Variants in TRPM5 observed in about 807,000 individuals in gnomAD.
TRPM5 encodes MLSN1 and TRP-related.
A neutral mutation model predicts 124.9 loss-of-function variants in TRPM5; 121 were observed. The ratio of observed to expected loss-of-function variants is 0.97; its 90% confidence interval spans 0.84 to 1.13. The LOEUF is 1.13. Among genes scored for constraint, TRPM5 ranks in the 50% most tolerant of loss-of-function variants. TRPM5 has a pLI of 0.00. For missense variants in TRPM5, 1,643 were observed against 1,589.1 expected (o/e 1.03, Z -0.58); for synonymous variants, 781 against 700.5 (o/e 1.11, Z -1.81).
chr11:2,412,141 G>A, exon 16 of TRPM5: 1 of 1,613,104 alleles, frequency 6.2e-7, no homozygotes, highest in Non-Finnish European at 8.5e-7. Flanking sequence ...AGACCTGCAG[G>A]TGACACCCAC....
chr11:2,416,924 G>A (rs1845695965), intron 7 of TRPM5, among the ~76,000 whole-genome samples: 1 of 152,204 alleles, frequency 6.6e-6, no homozygotes. Context: ...AATGAAGCAT[G>A]GAATGGCATA....
the TRPM5 span, among the ~76,000 whole-genome samples, chr11:2,430,296 T>C: frequency 6.6e-6 from 1 of 152,228 alleles, no homozygotes; most frequent in Non-Finnish European, 1.5e-5. Context: ...TCCATCCTGC[T>C]GCCCTGTGAA....
Position 2,417,575 on chromosome 11 carries a change from TACAG to T in TRPM5, c.1009+148_1009+151del, listed in dbSNP as rs1845703733. 13 of 605,620 alleles carry T rather than the reference TACAG, an allele frequency of 2.1e-5. No homozygotes were observed. The South Asian group carries it at 2.5e-4, about 12-fold the overall frequency. 37.5% of individuals were successfully genotyped at this position (605,620 alleles called of 1,614,324 possible). On this transcript the variant is annotated intron_variant, in intron 7 of 23. Transcript: ENST00000155858. ...AAAACACGTCATAAAACTTGCCAAA[TACAG>T]ACAGCTTCATGAATCATGTGTCATC...
chr11:2,422,173 C>G (rs768247906), exon 2 of TRPM5: 1 of 1,611,290 alleles, frequency 6.2e-7, no homozygotes, highest in Non-Finnish European at 8.5e-7. Context: ...CAGCCCCTTG[C>G]GCAGCACATC....
At chr11:2,413,266 C>A in intron 13 of TRPM5, 40 bp from the exon 19 acceptor site, 5 of 1,492,690 alleles carry the variant, frequency 3.3e-6, no homozygotes, top group South Asian at 1.3e-5. Flanking sequence ...AGGAAGGGCT[C>A]CCAGAGGCGC....
rs953587337 is a variant in TRPM5, at chr11:2,413,028, G to T, written c.2097-16C>A. 40 of 1,593,494 alleles carry T rather than the reference G, an allele frequency of 2.5e-5. No individual in the cohort carries two copies. Among genetic ancestry groups the T allele is most frequent in the Non-Finnish European group, 3.3e-5 (39 of 1,171,058 alleles). ...CTCCTCCACCCTGTGCCGCAGAGAA[G>T]TTCGCAGTGGTGAGGCTGGCGCCCA... is the stretch of plus-strand genomic sequence containing the variant. On this transcript the variant is annotated splice_polypyrimidine_tract_variant and intron_variant, in intron 14 of 23. Transcript: ENST00000155858.
exon 10 of TRPM5, chr11:2,414,990 T>C: frequency 1.2e-6 from 2 of 1,606,568 alleles, no homozygotes; most frequent in Non-Finnish European, 1.7e-6. Flanking sequence ...TTCTCGCTCT[T>C]CTGGTTCAGG....
chr11:2,415,924 A>G (rs770755743), exon 8 of TRPM5: 1 of 1,576,772 alleles, frequency 6.3e-7, no homozygotes, highest in Non-Finnish European at 8.6e-7. Flanking sequence ...CCACGTCCCC[A>G]TTGAAGATCT....
At chr11:2,420,456 T>TA in intron 3 of TRPM5, 51 bp from the exon 9 acceptor site, 1 of 1,542,922 alleles carries the variant, frequency 6.5e-7, no homozygotes. Flanking sequence ...CAGCTTGGGC[T>TA]GGTCCCGCTG....
At chr11:2,418,784 A>C (rs1280779480) in intron 4 of TRPM5, among the ~76,000 whole-genome samples, 193 bp from the exon 10 acceptor site, 2 of 152,194 alleles carry the variant, frequency 1.3e-5, no homozygotes, top group East Asian at 3.9e-4. Flanking sequence ...CTCCAATGCT[A>C]ACCTACACTA....
chr11:2,413,911 T>C, intron 12 of TRPM5, 150 bp downstream of exon 17: 2 of 1,165,678 alleles, frequency 1.7e-6, no homozygotes, highest in Non-Finnish European at 2.4e-6. Flanking sequence ...GGTGGGCGCC[T>C]TCCAGGAACA....
intron 12 of TRPM5, among the ~76,000 whole-genome samples, 154 bp downstream of exon 17, chr11:2,413,907 C>T (rs1850507945): frequency 6.6e-6 from 1 of 152,276 alleles, no homozygotes; most frequent in African/African-American, 2.4e-5. Flanking sequence ...GCCAGGTGGG[C>T]GCCTTCCAGG....
the TRPM5 span, among the ~76,000 whole-genome samples, chr11:2,431,119 T>C: frequency 6.6e-6 from 1 of 152,128 alleles, no homozygotes; most frequent in Non-Finnish European, 1.5e-5. Context: ...TCCCCTAGCA[T>C]GGCTGAAACC....
chr11:2,411,579 C>T lies in TRPM5; in HGVS notation c.2608-53G>A, dbSNP rs558675583. On this transcript the variant is annotated intron_variant, in intron 17 of 23. Transcript: ENST00000155858. Reference sequence around the variant, plus strand: ...ACGTCAGCGGCCAGCCGGGTGGGGCCCAGGCAGGGGATTGCTGTCCCTCCA... The same window carrying T: ...ACGTCAGCGGCCAGCCGGGTGGGGCTCAGGCAGGGGATTGCTGTCCCTCCA... 186 of 1,608,998 alleles carry T rather than the reference C, an allele frequency of 1.2e-4. No individual in the cohort carries two copies. The Middle Eastern group carries it at 2.0e-3, about 17-fold the overall frequency.
intron 7 of TRPM5, among the ~76,000 whole-genome samples, chr11:2,416,984 C>A (rs992862638): frequency 6.6e-6 from 1 of 152,184 alleles, no homozygotes; most frequent in Non-Finnish European, 1.5e-5. Context: ...TGCAGGGAAC[C>A]ATGGACACGA....
Position 2,414,894 on chromosome 11 carries a change from G to C in TRPM5, c.1620+13C>G, listed in dbSNP as rs371740319. On this transcript the variant is annotated intron_variant, in intron 10 of 23. Coordinates refer to ENST00000155858, the Ensembl canonical transcript of TRPM5. The stretch of plus-strand genomic sequence containing the variant: ...TCCCCTGCCCCCGCGCTGGGCCCGC[G>C]GCCTGGGCTCACCATGGCCCAGAAG... The C allele has an allele frequency of 1.3e-4, 205 of 1,600,256 alleles. No homozygotes were observed. The highest frequency in any genetic ancestry group is 5.8e-4 in the Admixed American group (34 of 58,544).
intron 11 of TRPM5, among the ~76,000 whole-genome samples, 189 bp downstream of exon 16, chr11:2,414,526 A>G (rs1218190256): frequency 2.0e-5 from 3 of 152,050 alleles, no homozygotes; most frequent in African/African-American, 7.2e-5. Context: ...GCGGTCCCAC[A>G]CTCAGGGTCT....
At chr11:2,421,865 G>A (rs1179103867) in intron 2 of TRPM5, among the ~76,000 whole-genome samples, 1 of 152,192 alleles carries the variant, frequency 6.6e-6, no homozygotes. Context: ...CCCAGCTGGG[G>A]GAGGTCCTGG....
chr11:2,435,988 C>T, the TRPM5 span, among the ~76,000 whole-genome samples: 21 of 152,370 alleles, frequency 1.4e-4, no homozygotes, highest in Non-Finnish European at 2.9e-5. This position sits in a 1 kb window ranked among gnomAD's most constrained non-coding sequence, Gnocchi z 4.1. Context: ...GTAGGCAGTT[C>T]TCGTGGTTTC....
Sources: allele counts gnomAD v4.1 joint callset (sites outside exome capture counted in the v4.1 genomes callset), GRCh38; gene constraint gnomAD v4.1.1; non-coding constraint Gnocchi (gnomAD v3.1); transcripts MANE v1.5; gene names NCBI Gene and HGNC (gene_info 2026-07-23, HGNC 2026-07-21).